TCF7: variants seen among roughly 807,000 people sequenced by gnomAD.
TCF7 encodes the protein transcription factor 7.
In TCF7, 19 loss-of-function variants were observed where a neutral mutation model predicts 46.8. The ratio of observed to expected loss-of-function variants is 0.41; its 90% confidence interval spans 0.28 to 0.60. TCF7 has a LOEUF of 0.60. TCF7 is among the 20% of genes least tolerant of loss of function. The probability of loss-of-function intolerance (pLI) is 0.35; values close to 1 mark genes in which losing one functional copy is unlikely to be tolerated. For synonymous variants in TCF7, 245 were observed against 213.4 expected, an observed-to-expected ratio of 1.15 and a Z score of -1.29; for missense variants, 547 against 504.6, an observed-to-expected ratio of 1.08 and a Z score of -0.81.
At chr5:134,145,086 G>C in intron 9 of TCF7, 1 of 640,178 alleles carries the variant, frequency 1.6e-6, no homozygotes, top group Non-Finnish European at 2.9e-6. Context: ...TGGAGAGAAA[G>C]ACACAGAATG....
intron 5 of TCF7, chr5:134,141,277 T>A (rs1759716492): frequency 6.4e-6 from 1 of 155,490 alleles, no homozygotes; most frequent in South Asian, 1.9e-4. Context: ...CCTTAGGGGC[T>A]GCTGGCTCAG....
intron 8 of TCF7, 167 bp from the exon 9 acceptor site, chr5:134,143,425 C>T (rs371780742): frequency 1.1e-5 from 9 of 854,160 alleles, no homozygotes; most frequent in African/African-American, 1.7e-5. Context: ...CTTCTAAATG[C>T]ACTCCATAGC....
chr5:134,110,712 C>T (rs1161658614), upstream of TCF7, among the ~76,000 whole-genome samples: 1 of 152,242 alleles, frequency 6.6e-6, no homozygotes, highest in Non-Finnish European at 1.5e-5. Flanking sequence ...AGAGACGCCG[C>T]TCACAACCTC....
At chr5:134,137,920 G>A (rs556402101) in intron 3 of TCF7, 139 bp from the exon 4 acceptor site, 4 of 637,658 alleles carry the variant, frequency 6.3e-6, no homozygotes, top group East Asian at 3.1e-5. Context: ...ACTGTGACTT[G>A]AGTGGTACCC....
chr5:134,118,943 G>C (rs1177127198), intron 3 of TCF7, among the ~76,000 whole-genome samples: 1 of 152,126 alleles, frequency 6.6e-6, no homozygotes, highest in African/African-American at 2.4e-5. Context: ...TACAATGCCC[G>C]GCTAAGTTTG....
At chr5:134,128,132 G>A (rs981661728) in intron 3 of TCF7, among the ~76,000 whole-genome samples, 6 of 152,168 alleles carry the variant, frequency 3.9e-5, no homozygotes, top group Non-Finnish European at 5.9e-5. Context: ...GGCCGCGCAC[G>A]TGTGTTGCAG....
intron 3 of TCF7, among the ~76,000 whole-genome samples, chr5:134,119,992 A>G (rs1027006667): frequency 1.3e-5 from 2 of 152,194 alleles, no homozygotes; most frequent in African/African-American, 4.8e-5. Context: ...GGGAGTGCCC[A>G]GCTGAGCCGA....
intron 5 of TCF7, chr5:134,141,590 G>C (rs1020107922): frequency 6.6e-6 from 1 of 152,416 alleles, no homozygotes; most frequent in Non-Finnish European, 1.5e-5. Context: ...AAGAGTAATA[G>C]ATCTTTTGCG....
chr5:134,139,220 C>T, intron 5 of TCF7, 182 bp downstream of exon 5: 1 of 905,126 alleles, frequency 1.1e-6, no homozygotes, highest in Non-Finnish European at 1.6e-6. Context: ...CTCATGTACC[C>T]CGGCCTGCAT....
At chr5:134,129,390 G>A (rs1375174706) in intron 3 of TCF7, among the ~76,000 whole-genome samples, 3 of 152,180 alleles carry the variant, frequency 2.0e-5, no homozygotes, top group South Asian at 2.1e-4. Context: ...CAAAGACAGC[G>A]GAGCTATGAG....
rs1204986763 is a variant in TCF7, at chr5:134,144,016, A to G, written c.1075+376A>G. 8.8e-5 allele frequency: 19 copies of G among 214,900 alleles called. No individual in the cohort carries two copies. The Admixed American group carries it at 1.0e-3, about 11-fold the overall frequency. The allele number at this position is 214,900 out of a possible 1,614,324, so 13.3% of individuals were successfully genotyped here. A position where few individuals can be genotyped will look rare whatever the true frequency, so the allele number is the denominator to read the frequency against. On this transcript the variant is annotated intron_variant, in intron 9 of 9. Coordinates refer to ENST00000342854, the MANE Select transcript of TCF7 (RefSeq NM_003202.5). ...GTTCTGCTGAGACTGGGAGAGGCTGAGCTAGGCCCCATGACTAGGCCCAGT... is the reference window on the plus strand; with the variant it reads ...GTTCTGCTGAGACTGGGAGAGGCTGGGCTAGGCCCCATGACTAGGCCCAGT...
chr5:134,115,622 C>G, intron 2 of TCF7: 1 of 1,433,044 alleles, frequency 7.0e-7, no homozygotes, highest in Non-Finnish European at 9.1e-7. Context: ...CGCCTCCCCT[C>G]CTGCCCAGGT....
At chr5:134,119,823 C>T (rs913695502) in intron 3 of TCF7, among the ~76,000 whole-genome samples, 5 of 152,128 alleles carry the variant, frequency 3.3e-5, no homozygotes, top group African/African-American at 1.2e-4. Flanking sequence ...CACCCACCGG[C>T]CTCCACACGC....
chr5:134,143,192 A>G, intron 8 of TCF7, 92 bp downstream of exon 8: 2 of 1,382,632 alleles, frequency 1.4e-6, no homozygotes. Flanking sequence ...ACGCAGAACT[A>G]CTGTCCTGAA....
intron 9 of TCF7, 46 bp from the exon 10 acceptor site, chr5:134,146,178 A>C: frequency 6.2e-7 from 1 of 1,614,040 alleles, no homozygotes; most frequent in Non-Finnish European, 8.5e-7. Context: ...GTGTATGACT[A>C]TGAATTCACC....
intron 4 of TCF7, 156 bp from the exon 5 acceptor site, chr5:134,138,795 A>C (rs1008507647): frequency 8.1e-7 from 1 of 1,227,776 alleles, no homozygotes; most frequent in Admixed American, 2.7e-5. Context: ...CACTATTATC[A>C]CACTGGGATC....
Position 134,114,932 on chromosome 5 carries a change from G to C in TCF7, c.26G>C (p.Gly9Ala). Residue 9 changes from glycine to alanine, a missense_variant, in exon 1 of 10, where the codon GGC becomes GCC. By Grantham distance (60) the Gly-to-Ala change is moderately conservative. Coordinates refer to ENST00000342854, the MANE Select transcript of TCF7 (RefSeq NM_003202.5). ...ATGCCGCAGCTGGACTCCGGCGGGGGCGGCGCGGGCGGCGGCGACGACCTC... is the reference window on the plus strand; with the variant it reads ...ATGCCGCAGCTGGACTCCGGCGGGGCCGGCGCGGGCGGCGGCGACGACCTC... MPQLDSGG[G>A]GAGGGDDLGA... 9.2e-7 allele frequency: 1 copy of C among 1,084,726 alleles called. No homozygotes were observed. The highest frequency in any genetic ancestry group is 1.1e-6 in the Non-Finnish European group (1 of 884,658). The allele number at this position is 1,084,726 out of a possible 1,614,324, so 67.2% of individuals were successfully genotyped here.
At chr5:134,120,200 C>T (rs1189457799) in intron 3 of TCF7, among the ~76,000 whole-genome samples, 1 of 152,140 alleles carries the variant, frequency 6.6e-6, no homozygotes, top group Non-Finnish European at 1.5e-5. Flanking sequence ...TCCCAAACCT[C>T]CCCACTACTC....
intron 8 of TCF7, chr5:134,143,327 T>C: frequency 1.3e-6 from 1 of 766,910 alleles, no homozygotes; most frequent in East Asian, 2.4e-5. Flanking sequence ...CAACATTTGA[T>C]TGGGCCACAT....
Sources: gnomAD v4.1 joint callset for allele counts (sites outside exome capture counted in the v4.1 genomes callset) on GRCh38, gnomAD v4.1.1 for gene constraint, MANE v1.5 for transcripts, NCBI Gene and HGNC (gene_info 2026-07-23, HGNC 2026-07-21) for gene names.